Variants in RAPGEF4 observed in about 807,000 individuals in gnomAD.
The protein encoded by RAPGEF4 is Rap guanine nucleotide exchange factor 4.
In RAPGEF4, 66 loss-of-function variants were observed where a neutral mutation model predicts 147.9. The observed-to-expected ratio is 0.45, with a 90% CI of 0.37 to 0.55. The LOEUF (loss-of-function observed/expected upper bound fraction) is 0.55. Ranked by LOEUF, RAPGEF4 falls within the 20% of genes least tolerant of loss-of-function variation. RAPGEF4 has a pLI of 0.00. For missense variants in RAPGEF4, 1,071 were observed against 1,257.3 expected (o/e 0.85, Z 2.24); for synonymous variants, 419 against 442.7 (o/e 0.95, Z 0.67).
intron 3 of RAPGEF4, among the ~76,000 whole-genome samples, chr2:172,811,503 A>G (rs1688017693): frequency 6.6e-6 from 1 of 152,236 alleles, no homozygotes; most frequent in Admixed American, 6.5e-5. Context: ...CTGAATATTA[A>G]TCTGCAAATG....
chr2:172,839,478 G>A (rs1036053321), intron 4 of RAPGEF4, among the ~76,000 whole-genome samples: 2 of 152,066 alleles, frequency 1.3e-5, no homozygotes, highest in Non-Finnish European at 2.9e-5. Context: ...TTTGTATACT[G>A]TCATGGCGCT....
chr2:172,828,567 A>G (rs902542286), intron 4 of RAPGEF4, among the ~76,000 whole-genome samples: 2 of 152,172 alleles, frequency 1.3e-5, no homozygotes, highest in African/African-American at 4.8e-5. Context: ...GCAGAAACAC[A>G]TAAGACACCC....
In RAPGEF4 at chr2:173,030,100, T is replaced by G. The variant is rs968642998; in HGVS notation, c.2559-64T>G. 3.6e-6 allele frequency: 4 copies of G among 1,121,478 alleles called. No individual in the cohort carries two copies. In the African/African-American group the frequency reaches 6.2e-5, roughly 17 times the overall value. The allele number at this position is 1,121,478 out of a possible 1,614,324, so 69.5% of individuals were successfully genotyped here. Reference sequence around the variant, plus strand: ...ATTAATGACTATCAGAAAATAGAACTCTAATTTTTTTTATCTCACACAGAA... The same window carrying G: ...ATTAATGACTATCAGAAAATAGAACGCTAATTTTTTTTATCTCACACAGAA... On this transcript the variant is annotated intron_variant, in intron 25 of 30. Coordinates refer to ENST00000397081, the MANE Select transcript of RAPGEF4 (RefSeq NM_007023.4).
At chr2:172,910,916 G>T (rs931128125) in intron 4 of RAPGEF4, among the ~76,000 whole-genome samples, 2 of 152,206 alleles carry the variant, frequency 1.3e-5, no homozygotes, top group Non-Finnish European at 2.9e-5. Context: ...TTCAAAAGGA[G>T]GGGAACTAGA....
At chr2:172,959,971 G>T (rs937313733) in intron 6 of RAPGEF4, among the ~76,000 whole-genome samples, 2 of 152,114 alleles carry the variant, frequency 1.3e-5, no homozygotes, top group Non-Finnish European at 2.9e-5. Flanking sequence ...TGTAGTCCTA[G>T]GTGCTTGGGA....
intron 10 of RAPGEF4, among the ~76,000 whole-genome samples, chr2:172,975,770 A>C (rs1690998876): frequency 6.6e-6 from 1 of 152,220 alleles, no homozygotes; most frequent in Non-Finnish European, 1.5e-5. Context: ...TTTCATCCTC[A>C]AAGGCAAGCA....
chr2:172,947,260 T>G (rs1322013237), intron 6 of RAPGEF4, among the ~76,000 whole-genome samples: 3 of 152,246 alleles, frequency 2.0e-5, no homozygotes, highest in Admixed American at 2.0e-4. Flanking sequence ...GTACAGCTAG[T>G]ATTTAAATAA....
chr2:172,828,059 G>A (rs1420832331), intron 4 of RAPGEF4, among the ~76,000 whole-genome samples: 1 of 152,032 alleles, frequency 6.6e-6, no homozygotes, highest in Admixed American at 6.6e-5. Context: ...TGCCAGTTAC[G>A]ATGCTAGGCA....
chr2:172,986,720 G>T (rs1692292814), intron 12 of RAPGEF4, among the ~76,000 whole-genome samples: 2 of 148,122 alleles, frequency 1.4e-5, no homozygotes, highest in South Asian at 2.1e-4. Flanking sequence ...TTGAGACGGA[G>T]TCTTGCTCTA....
intron 4 of RAPGEF4, among the ~76,000 whole-genome samples, chr2:172,865,159 C>T (rs540257710): frequency 1.7e-4 from 26 of 152,310 alleles, no homozygotes; most frequent in African/African-American, 5.8e-4. Flanking sequence ...CGCCGCCAAC[C>T]TCACTGGACC....
intron 6 of RAPGEF4, among the ~76,000 whole-genome samples, chr2:172,951,437 C>T (rs1460380770): frequency 6.6e-6 from 1 of 152,156 alleles, no homozygotes; most frequent in Non-Finnish European, 1.5e-5. Flanking sequence ...GTGAGCAAAA[C>T]AAGGTTCTTG....
At chr2:172,906,004 C>T (rs530731927) in intron 4 of RAPGEF4, among the ~76,000 whole-genome samples, 3 of 152,318 alleles carry the variant, frequency 2.0e-5, no homozygotes, top group Admixed American at 6.5e-5. Context: ...TTTATAACTG[C>T]TTTGCTTTTT....
intron 4 of RAPGEF4, among the ~76,000 whole-genome samples, chr2:172,861,927 C>T (rs72908218): frequency 0.016 from 2,454 of 152,240 alleles, 23 homozygotes; most frequent in South Asian, 0.036. Flanking sequence ...AAATGATGCA[C>T]GTAGCAAGAA....
intron 29 of RAPGEF4, among the ~76,000 whole-genome samples, chr2:173,044,096 C>T (rs557893376): frequency 6.6e-6 from 1 of 152,148 alleles, no homozygotes; most frequent in East Asian, 1.9e-4. Flanking sequence ...CAGGGTAGCA[C>T]AGAGTAGCAC....
chr2:172,836,043 G>A (rs945648340), intron 4 of RAPGEF4, among the ~76,000 whole-genome samples: 2 of 152,140 alleles, frequency 1.3e-5, no homozygotes, highest in Admixed American at 1.3e-4. Flanking sequence ...GAATAGAAGT[G>A]AAAAGTGAGG....
chr2:172,922,194 T>G (rs928871538), intron 5 of RAPGEF4, 87 bp from the exon 6 acceptor site: 3 of 1,273,654 alleles, frequency 2.4e-6, no homozygotes, highest in Non-Finnish European at 3.4e-6. Context: ...GAAATTTTAC[T>G]TGGTTTGGTT....
chr2:172,960,719 TTTTG>T (rs1457820167), intron 6 of RAPGEF4, 37 bp from the exon 7 acceptor site: 4 of 1,493,742 alleles, frequency 2.7e-6, no homozygotes, highest in South Asian at 2.5e-5. Context: ...TCAGTGAACT[TTTTG>T]TTTAATTTTC....
At chr2:172,841,791 A>AACACACACACACACACAC (rs3064818) in intron 4 of RAPGEF4, among the ~76,000 whole-genome samples, 1 of 147,006 alleles carries the variant, frequency 6.8e-6, no homozygotes, top group Non-Finnish European at 1.5e-5. Context: ...TTGGCTGAAT[A>AACACACACACACACACAC]ACACACACAC....
intron 4 of RAPGEF4, among the ~76,000 whole-genome samples, chr2:172,862,272 C>CT (rs757789532): frequency 7.9e-5 from 12 of 152,240 alleles, no homozygotes; most frequent in South Asian, 4.1e-4. Flanking sequence ...ATCTCAGTGC[C>CT]TTTTTTCTTA....
Sources: allele counts gnomAD v4.1 joint callset (sites outside exome capture counted in the v4.1 genomes callset), GRCh38; gene constraint gnomAD v4.1.1; transcripts MANE v1.5; gene names NCBI Gene and HGNC (gene_info 2026-07-23, HGNC 2026-07-21).